Variants in PIGU observed in about 807,000 individuals in gnomAD.
PIGU encodes the protein phosphatidylinositol glycan anchor biosynthesis class U.
In PIGU, 24 loss-of-function variants were observed where a neutral mutation model predicts 49.9. The observed-to-expected ratio is 0.48, with a 90% CI of 0.35 to 0.68. The LOEUF (loss-of-function observed/expected upper bound fraction) is 0.68. PIGU is among the 30% of genes least tolerant of loss of function. The pLI is 0.01. For synonymous variants in PIGU, 220 were observed against 205.7 expected (o/e 1.07, Z -0.59); for missense variants, 490 against 532.6 (o/e 0.92, Z 0.79).
intron 7 of PIGU, among the ~76,000 whole-genome samples, chr20:34,603,520 G>A (rs1452822357): frequency 2.6e-5 from 4 of 152,010 alleles, no homozygotes; most frequent in Non-Finnish European, 5.9e-5. Flanking sequence ...AACATTATGA[G>A]TGCCTGGATT....
At chr20:34,643,266 C>T (rs1399870324) in intron 4 of PIGU, among the ~76,000 whole-genome samples, 1 of 152,086 alleles carries the variant, frequency 6.6e-6, no homozygotes, top group African/African-American at 2.4e-5. Context: ...TTCTCCATAC[C>T]ATTTCCACAG....
intron 6 of PIGU, among the ~76,000 whole-genome samples, chr20:34,627,712 T>G (rs1249913461): frequency 6.6e-6 from 1 of 152,182 alleles, no homozygotes; most frequent in African/African-American, 2.4e-5. Context: ...AGGCCAGTAC[T>G]TGGTCCCTTC....
rs1183057823 is a variant in PIGU at position 34,634,624 on chromosome 20, T to C, written c.520A>G (p.Thr174Ala). The change falls in exon 6 of 12, where the codon ACG becomes GCG. Residue 174 changes from threonine (T) to alanine (A), a missense_variant. Physicochemically the swap from Thr to Ala is moderately conservative, Grantham distance 58. Coordinates refer to ENST00000217446, the MANE Select transcript of PIGU (RefSeq NM_080476.5). The part of the protein sequence containing the change: ...NTLIAFFILT[T>A]IKGSAFLSAI... ...CCTTTCAGGGCCTTACCTTTTATCG[T>C]AGTCAAAATGAAGAAAGCAATGAGG... is the stretch of plus-strand genomic sequence containing the variant. 1.2e-6 allele frequency: 2 copies of C among 1,612,684 alleles called. No homozygotes were observed. The highest frequency in any genetic ancestry group is 8.5e-7 in the Non-Finnish European group (1 of 1,179,010).
chr20:34,562,931 C>G (rs1349854887), intron 11 of PIGU, among the ~76,000 whole-genome samples: 2 of 152,334 alleles, frequency 1.3e-5, no homozygotes, highest in Middle Eastern at 3.4e-3. Flanking sequence ...AGAGGCTGAT[C>G]CCTGAACCAG....
At chr20:34,645,481 G>A in intron 2 of PIGU, 147 bp from the exon 3 acceptor site, 1 of 1,171,932 alleles carries the variant, frequency 8.5e-7, no homozygotes, top group Non-Finnish European at 1.1e-6. Context: ...TACGCCAGCT[G>A]GCCGGTGTGC....
Position 34,617,027 on chromosome 20 carries a change from T to C in PIGU, c.530-888A>G, listed in dbSNP as rs541472971. Among the ~76,000 whole-genome samples, 46 of 152,270 alleles carry C rather than the reference T, an allele frequency of 3.0e-4. No individual in the cohort carries two copies. The South Asian group carries it at 9.5e-3, about 32-fold the overall frequency. On this transcript the variant is annotated intron_variant, in intron 6 of 11. Coordinates refer to ENST00000217446, the MANE Select transcript of PIGU (RefSeq NM_080476.5). ...CAGGAGGCTGAGGCAGAAGAATTGC[T>C]TGAAACTGGGAGGCAGAGGTTGCAG...
At position 34,588,460 on chromosome 20, in the gene PIGU, C is replaced by A; in HGVS notation, c.775G>T (p.Gly259Cys). Residue 259 changes from glycine (G) to cysteine (C), a missense_variant, in exon 8 of 12, where the codon GGC (glycine) becomes TGC (cysteine). Transcript: ENST00000217446. ...AACGTGGTCATTACTTACATAAAGC[C>A]ATAGACTGCGGGGATGAAATCCCAA... ...SSWDFIPAVY[G>C]FILSVPDLTP... 1 of 1,613,614 alleles carries A rather than the reference C, an allele frequency of 6.2e-7. No individual in the cohort carries two copies. The highest frequency in any genetic ancestry group is 8.5e-7 in the Non-Finnish European group (1 of 1,179,766).
chr20:34,617,459 T>G (rs2064233670), intron 6 of PIGU, among the ~76,000 whole-genome samples: 1 of 152,258 alleles, frequency 6.6e-6, no homozygotes, highest in Non-Finnish European at 1.5e-5. Flanking sequence ...TTAAGATTTG[T>G]CTGCCCTGCT....
At chr20:34,626,810 A>C (rs933539341) in intron 6 of PIGU, among the ~76,000 whole-genome samples, 1 of 152,094 alleles carries the variant, frequency 6.6e-6, no homozygotes, top group Non-Finnish European at 1.5e-5. Context: ...ATTATCCATG[A>C]GTTGAATATT....
chr20:34,584,544 G>A (rs963705474), intron 9 of PIGU, among the ~76,000 whole-genome samples: 4 of 106,562 alleles, frequency 3.8e-5, no homozygotes, highest in Admixed American at 1.4e-4. Flanking sequence ...ATGCACTTCC[G>A]CCTGTCATCC....
In PIGU at chr20:34,560,842, C is replaced by T. The variant is rs1216132617; in HGVS notation, c.*24G>A. The T allele has an allele frequency of 2.0e-6, 3 of 1,522,126 alleles. No individual in the cohort carries two copies. Among genetic ancestry groups the T allele is most frequent in the Non-Finnish European group, 2.7e-6 (3 of 1,114,336 alleles). The allele number at this position is 1,522,126 out of a possible 1,614,324, so 94.3% of individuals were successfully genotyped here. On this transcript the variant is annotated 3_prime_UTR_variant, in exon 12 of 12. Transcript: ENST00000217446. ...TCTGGCCCCACAGCCCCCTGAGGTC[C>T]ATGCAGCCCTGTGCCAGCCAGGCCT...
At chr20:34,610,539 C>T (rs906299983) in intron 7 of PIGU, among the ~76,000 whole-genome samples, 2 of 152,136 alleles carry the variant, frequency 1.3e-5, no homozygotes, top group African/African-American at 4.8e-5. Flanking sequence ...CAAACCACTG[C>T]TCAAGGAAAT....
chr20:34,636,633 C>T (rs1379237921), intron 5 of PIGU, among the ~76,000 whole-genome samples: 1 of 152,160 alleles, frequency 6.6e-6, no homozygotes, highest in Admixed American at 6.6e-5. Context: ...GGATATTCTA[C>T]AGCACTATAG....
chr20:34,623,193 T>C lies in PIGU; in HGVS notation c.530-7054A>G, dbSNP rs577831771. ...AGACAGGCAGAAACGCACTGGAATG[T>C]AGTCAAAAGGGCTCAGGTCCCACAG... On this transcript the variant is annotated intron_variant, in intron 6 of 11. Coordinates refer to ENST00000217446, the MANE Select transcript of PIGU (RefSeq NM_080476.5). 2.0e-5 allele frequency among the ~76,000 whole-genome samples: 3 copies of C among 151,648 alleles called. No individual in the cohort carries two copies. The East Asian group carries it at 5.8e-4, about 29-fold the overall frequency.
In PIGU at chr20:34,561,124, C is replaced by A. The variant is rs373205918; in HGVS notation, c.1195-145G>T. On this transcript the variant is annotated intron_variant, in intron 11 of 11. Transcript: ENST00000217446. ...ATCACTGGAGAGGCCCTCCTCAGGG[C>A]CCCCACCTCAGGGCCCATAATTGAC... 1.4e-4 allele frequency: 87 copies of A among 615,836 alleles called. No homozygotes were observed. The African/African-American group carries it at 1.4e-3, about 10-fold the overall frequency. 38.1% of individuals were successfully genotyped at this position (615,836 alleles called of 1,614,324 possible). A position where few individuals can be genotyped will look rare whatever the true frequency, so the allele number is the denominator to read the frequency against.
chr20:34,650,419 C>T (rs1195248361), intron 2 of PIGU, among the ~76,000 whole-genome samples: 1 of 151,700 alleles, frequency 6.6e-6, no homozygotes, highest in African/African-American at 2.4e-5. Context: ...TACAGGCACA[C>T]ACCACCACAC....
chr20:34,636,997 C>A (rs1985989536), intron 5 of PIGU, among the ~76,000 whole-genome samples: 2 of 152,146 alleles, frequency 1.3e-5, no homozygotes, highest in African/African-American at 4.8e-5. Flanking sequence ...TAAGGTAGAT[C>A]CCACCAATAT....
At chr20:34,629,317 G>A (rs1188777380) in intron 6 of PIGU, among the ~76,000 whole-genome samples, 7 of 152,054 alleles carry the variant, frequency 4.6e-5, no homozygotes, top group South Asian at 2.1e-4. Flanking sequence ...CCACCATGCC[G>A]GGCCATATGT....
At chr20:34,607,336 G>C (rs1392799107) in intron 7 of PIGU, among the ~76,000 whole-genome samples, 3 of 152,142 alleles carry the variant, frequency 2.0e-5, no homozygotes, top group Non-Finnish European at 4.4e-5. Flanking sequence ...CCCGCATCCT[G>C]TACTCATAAA....
Sources: gnomAD v4.1 joint callset for allele counts (sites outside exome capture counted in the v4.1 genomes callset) on GRCh38, gnomAD v4.1.1 for gene constraint, MANE v1.5 for transcripts, NCBI Gene and HGNC (gene_info 2026-07-23, HGNC 2026-07-21) for gene names.